XYLT1: variants seen among roughly 807,000 people sequenced by gnomAD.
The protein encoded by XYLT1 is beta-D-xylosyltransferase 1.
A neutral mutation model predicts 91.3 loss-of-function variants in XYLT1; 36 were observed. The ratio of observed to expected loss-of-function variants is 0.39; its 90% confidence interval spans 0.30 to 0.52. XYLT1 has a LOEUF of 0.52. XYLT1 is among the 20% of genes least tolerant of loss of function. The pLI, the probability that XYLT1 is intolerant of heterozygous loss-of-function variation, is 0.68. For synonymous variants in XYLT1, 588 were observed against 532.0 expected, an observed-to-expected ratio of 1.11 and a Z score of -1.45; for missense variants, 1,242 against 1,284.5, an observed-to-expected ratio of 0.97 and a Z score of 0.51.
At chr16:17,218,100 A>T (rs2032894635) in intron 3 of XYLT1, among the ~76,000 whole-genome samples, 1 of 152,064 alleles carries the variant, frequency 6.6e-6, no homozygotes, top group South Asian at 2.1e-4. Context: ...TCTACTAAAA[A>T]TACAAAAATT....
intron 3 of XYLT1, among the ~76,000 whole-genome samples, chr16:17,240,885 A>C (rs1188838975): frequency 6.6e-6 from 1 of 152,196 alleles, no homozygotes; most frequent in Non-Finnish European, 1.5e-5. Flanking sequence ...TGATGTGCTC[A>C]ATGTTCCATA....
intron 2 of XYLT1, among the ~76,000 whole-genome samples, chr16:17,272,700 C>T (rs563933406): frequency 2.4e-4 from 36 of 152,282 alleles, no homozygotes; most frequent in African/African-American, 8.4e-4. Flanking sequence ...GGCTAAGTAG[C>T]GGTCCCATGG....
Position 17,200,647 on chromosome 16 carries a change from G to T in XYLT1, c.921C>A (p.Ala307=). 1 of 1,612,520 alleles carries T rather than the reference G, an allele frequency of 6.2e-7. No homozygotes were observed. Among genetic ancestry groups the T allele is most frequent in the Non-Finnish European group, 8.5e-7 (1 of 1,178,678 alleles). Residue 307 remains alanine, a synonymous_variant, in exon 4 of 12, where the codon GCC becomes GCA. Coordinates refer to ENST00000261381, the MANE Select transcript of XYLT1 (RefSeq NM_022166.4). ...VTRFCPLEGK[A]NKNVQWDEDS... ...CCTCGTCCCACTGCACGTTCTTGTT[G>T]GCTTTACCTGGGGAAAATCCAAGAG...
chr16:17,376,434 C>T (rs1357514240), intron 1 of XYLT1, among the ~76,000 whole-genome samples: 1 of 152,230 alleles, frequency 6.6e-6, no homozygotes, highest in Non-Finnish European at 1.5e-5. Flanking sequence ...GCCACTCAAA[C>T]TAGAAGCCAG....
intron 1 of XYLT1, among the ~76,000 whole-genome samples, chr16:17,380,102 A>G (rs2035660697): frequency 6.6e-6 from 1 of 152,080 alleles, no homozygotes; most frequent in Non-Finnish European, 1.5e-5. Context: ...AGCCTGGCCA[A>G]CATGGTGAAA....
intron 2 of XYLT1, among the ~76,000 whole-genome samples, chr16:17,330,104 T>TACACACACACACACACACACACAC (rs35148093): frequency 2.1e-4 from 31 of 144,580 alleles, no homozygotes; most frequent in African/African-American, 4.4e-4. Flanking sequence ...TGGAGGTAGA[T>TACACACACACACACACACACACAC]ACACACACAC....
chr16:17,365,684 G>T (rs2035446382), intron 1 of XYLT1, among the ~76,000 whole-genome samples: 2 of 152,036 alleles, frequency 1.3e-5, no homozygotes, highest in Admixed American at 1.3e-4. Flanking sequence ...CATTTTTTTA[G>T]CCCAGGACCC....
intron 1 of XYLT1, among the ~76,000 whole-genome samples, chr16:17,445,508 C>G (rs533595727): frequency 5.3e-5 from 8 of 152,334 alleles, no homozygotes; most frequent in African/African-American, 7.2e-5. Flanking sequence ...TTCCTGGCAG[C>G]TGCCAGAACA....
At chr16:17,314,641 G>A (rs940814377) in intron 2 of XYLT1, among the ~76,000 whole-genome samples, 2 of 152,206 alleles carry the variant, frequency 1.3e-5, no homozygotes, top group Non-Finnish European at 2.9e-5. Context: ...AGAAAGGCCT[G>A]TGATGAAAGA....
At chr16:17,157,276 G>A (rs545074798) in intron 6 of XYLT1, among the ~76,000 whole-genome samples, 90 of 152,244 alleles carry the variant, frequency 5.9e-4, no homozygotes, top group Admixed American at 5.1e-3. Context: ...CTCAGGAGAC[G>A]GAGCTACCTG....
intron 10 of XYLT1, among the ~76,000 whole-genome samples, chr16:17,121,876 T>C (rs8045927): frequency 0.65 from 99,391 of 152,046 alleles, 33,339 homozygotes; most frequent in Non-Finnish European, 0.71. Context: ...AATTACTTCA[T>C]TTAGAATAAT....
chr16:17,255,440 T>C (rs2033616572), intron 3 of XYLT1, among the ~76,000 whole-genome samples: 1 of 152,154 alleles, frequency 6.6e-6, no homozygotes, highest in Non-Finnish European at 1.5e-5. Context: ...ATGCCTAAGA[T>C]CTGGCCCTTC....
chr16:17,333,507 T>C (rs1466003704), intron 2 of XYLT1, among the ~76,000 whole-genome samples: 3 of 152,052 alleles, frequency 2.0e-5, no homozygotes, highest in African/African-American at 7.2e-5. Context: ...TTTAGAATGA[T>C]GATTCTGGAG....
At chr16:17,297,227 C>G (rs917031171) in intron 2 of XYLT1, among the ~76,000 whole-genome samples, 1 of 152,164 alleles carries the variant, frequency 6.6e-6, no homozygotes, top group East Asian at 1.9e-4. Context: ...CCACCCAACA[C>G]AGAGCACTTT....
intron 3 of XYLT1, among the ~76,000 whole-genome samples, chr16:17,206,505 A>G (rs2032648179): frequency 1.3e-5 from 2 of 152,034 alleles, no homozygotes; most frequent in African/African-American, 4.8e-5. Flanking sequence ...TGGGCAAGTC[A>G]ATTTCTTTCC....
At chr16:17,122,312 C>A (rs2141489718) in intron 10 of XYLT1, among the ~76,000 whole-genome samples, 1 of 152,278 alleles carries the variant, frequency 6.6e-6, no homozygotes, top group African/African-American at 2.4e-5. Context: ...GGTGGTATTG[C>A]ATTGTGGTTT....
intron 3 of XYLT1, among the ~76,000 whole-genome samples, chr16:17,214,211 T>C (rs1179316620): frequency 1.3e-5 from 2 of 152,182 alleles, no homozygotes; most frequent in Non-Finnish European, 2.9e-5. Flanking sequence ...CAAACACAGG[T>C]AGCCACTCTG....
intron 3 of XYLT1, among the ~76,000 whole-genome samples, chr16:17,241,216 C>G (rs557482041): frequency 3.3e-5 from 5 of 152,224 alleles, no homozygotes; most frequent in Admixed American, 2.0e-4. Context: ...TCCTTGATAG[C>G]GTTTCATGCA....
intron 9 of XYLT1, among the ~76,000 whole-genome samples, chr16:17,128,578 T>G (rs2030345940): frequency 6.6e-6 from 1 of 152,254 alleles, no homozygotes; most frequent in South Asian, 2.1e-4. Flanking sequence ...AGTACTGATT[T>G]ATTCTCTCAC....
Sources: gnomAD v4.1 joint callset for allele counts (sites outside exome capture counted in the v4.1 genomes callset) on GRCh38, gnomAD v4.1.1 for gene constraint, MANE v1.5 for transcripts, NCBI Gene and HGNC (gene_info 2026-07-23, HGNC 2026-07-21) for gene names.